Variants in THSD7A observed in about 807,000 individuals in gnomAD.
THSD7A encodes the protein thrombospondin type 1 domain containing 7A, also known as thrombospondin type-1 domain-containing protein 7A.
In THSD7A, 96 loss-of-function variants were observed where a neutral mutation model predicts 231.3. That is an observed-to-expected ratio of 0.41 (90% confidence interval 0.35 to 0.49). The LOEUF is 0.49. THSD7A is among the 20% of genes least tolerant of loss of function. The pLI, the probability that THSD7A is intolerant of heterozygous loss-of-function variation, is 0.05. For missense variants in THSD7A, 2,290 were observed against 2,070.2 expected (o/e 1.11, Z -2.06); for synonymous variants, 940 against 743.3 (o/e 1.26, Z -4.30).
intron 1 of THSD7A, among the ~76,000 whole-genome samples, chr7:11,639,899 G>A (rs1782015372): frequency 6.6e-6 from 1 of 152,062 alleles, no homozygotes; most frequent in Non-Finnish European, 1.5e-5. Context: ...CCTTAGACAA[G>A]ATAAGGACTG....
At chr7:11,545,808 C>T (rs62432854) in intron 4 of THSD7A, among the ~76,000 whole-genome samples, 17,479 of 152,126 alleles carry the variant, frequency 0.11, 2,033 homozygotes, top group African/African-American at 0.3. Flanking sequence ...GCGTTTGGCA[C>T]AGAAATAGCT....
chr7:11,696,031 T>C (rs547263042), intron 1 of THSD7A, among the ~76,000 whole-genome samples: 1 of 151,564 alleles, frequency 6.6e-6, no homozygotes, highest in South Asian at 2.1e-4. Flanking sequence ...ATGAGGAGTT[T>C]AGGAAGACTT....
chr7:11,413,270 A>C (rs953080103), intron 17 of THSD7A, among the ~76,000 whole-genome samples: 2 of 151,994 alleles, frequency 1.3e-5, no homozygotes, highest in Admixed American at 1.3e-4. Flanking sequence ...CTAAATCCTA[A>C]TTTTAATTCT....
Position 11,446,513 on chromosome 7 carries a change from C to A in THSD7A, c.2801-189G>T, listed in dbSNP as rs144390380. Among the ~76,000 whole-genome samples, 1 of 152,138 alleles carries A rather than the reference C, an allele frequency of 6.6e-6. No homozygotes were observed. Among genetic ancestry groups the A allele is most frequent in the African/African-American group, 2.4e-5 (1 of 41,508 alleles). ...CATAGGCTCCTGTTGGTATTGGGTG[C>A]TTTGCATAGTAAAATTTGTATTATT... is the stretch of plus-strand genomic sequence containing the variant. On this transcript the variant is annotated intron_variant, in intron 12 of 27. Transcript: ENST00000423059. The surrounding 1 kb of genome is among the most constrained non-coding windows in gnomAD (Gnocchi z 4.0).
At chr7:11,466,735 A>C (rs1415336469) in intron 9 of THSD7A, among the ~76,000 whole-genome samples, 1 of 152,128 alleles carries the variant, frequency 6.6e-6, no homozygotes, top group African/African-American at 2.4e-5. Flanking sequence ...TCTGCCGCTT[A>C]GAGAGCCTCT....
intron 13 of THSD7A, among the ~76,000 whole-genome samples, chr7:11,445,583 A>C (rs1353100921): frequency 6.6e-6 from 1 of 151,770 alleles, no homozygotes; most frequent in East Asian, 1.9e-4. Context: ...TTGAGTTTTC[A>C]CCAGTTACTA....
chr7:11,465,780 GA>G (rs1189153116), intron 9 of THSD7A, among the ~76,000 whole-genome samples: 4 of 151,394 alleles, frequency 2.6e-5, no homozygotes, highest in Admixed American at 6.6e-5. Context: ...AATGCAGTGA[GA>G]AAAAAAAGGA....
At chr7:11,554,617 C>A (rs778856918) in intron 4 of THSD7A, among the ~76,000 whole-genome samples, 2 of 151,864 alleles carry the variant, frequency 1.3e-5, no homozygotes, top group Non-Finnish European at 2.9e-5. Context: ...TTGGAGTAGG[C>A]TTGCATCCTT....
At chr7:11,664,629 C>T (rs142445777) in intron 1 of THSD7A, among the ~76,000 whole-genome samples, 251 of 151,928 alleles carry the variant, frequency 1.7e-3, no homozygotes, top group Non-Finnish European at 3.0e-3. Context: ...ATCAGCTTTG[C>T]ACATAGGAAC....
chr7:11,717,314 A>G (rs80341973), intron 1 of THSD7A, among the ~76,000 whole-genome samples: 2 of 151,618 alleles, frequency 1.3e-5, no homozygotes, highest in African/African-American at 4.8e-5. Context: ...CCCTTAAGTG[A>G]TCTGTGCTTT....
chr7:11,754,956 A>T (rs1016124659), intron 1 of THSD7A, among the ~76,000 whole-genome samples: 11 of 152,084 alleles, frequency 7.2e-5, no homozygotes, highest in African/African-American at 2.7e-4. Flanking sequence ...GTTGAGTAAA[A>T]AAAAGTTTAT....
At chr7:11,733,840 T>C (rs1781817057) in intron 1 of THSD7A, among the ~76,000 whole-genome samples, 1 of 151,926 alleles carries the variant, frequency 6.6e-6, no homozygotes, top group Non-Finnish European at 1.5e-5. Context: ...ATTTTTCAGT[T>C]CATATTTAGA....
At chr7:11,440,779 C>T (rs866763407) in intron 13 of THSD7A, among the ~76,000 whole-genome samples, 4 of 151,922 alleles carry the variant, frequency 2.6e-5, no homozygotes, top group African/African-American at 7.2e-5. Context: ...GAATCTGCTC[C>T]GGGTGAAGAT....
chr7:11,698,567 A>AC (rs139887749), intron 1 of THSD7A, among the ~76,000 whole-genome samples: 1 of 151,572 alleles, frequency 6.6e-6, no homozygotes, highest in East Asian at 2.0e-4. Context: ...CCACAGCTGC[A>AC]CAGAAGAAAG....
intron 4 of THSD7A, among the ~76,000 whole-genome samples, chr7:11,556,651 A>G (rs979533682): frequency 6.6e-6 from 1 of 151,858 alleles, no homozygotes; most frequent in African/African-American, 2.4e-5. Context: ...CTTTTAGGGT[A>G]AGTCTACTGG....
chr7:11,572,850 T>A (rs780583482), intron 4 of THSD7A, among the ~76,000 whole-genome samples: 12 of 152,174 alleles, frequency 7.9e-5, no homozygotes, highest in Non-Finnish European at 1.5e-5. Context: ...CCTTTTTCCC[T>A]CCGTCAATAA....
chr7:11,601,400 C>T (rs949794417), intron 2 of THSD7A, among the ~76,000 whole-genome samples: 1 of 152,136 alleles, frequency 6.6e-6, no homozygotes, highest in Non-Finnish European at 1.5e-5. Context: ...TGCACCTGCA[C>T]TGGGGACACT....
At chr7:11,594,104 G>A (rs554680252) in intron 2 of THSD7A, among the ~76,000 whole-genome samples, 1 of 152,204 alleles carries the variant, frequency 6.6e-6, no homozygotes, top group African/African-American at 2.4e-5. Flanking sequence ...CATGAAAAGA[G>A]TAGACTGGCC....
chr7:11,787,592 G>A (rs965219235), intron 1 of THSD7A, among the ~76,000 whole-genome samples: 1 of 151,934 alleles, frequency 6.6e-6, no homozygotes, highest in Non-Finnish European at 1.5e-5. Context: ...AGAAATAGGC[G>A]AAAGACCTAA....
Sources: gnomAD v4.1 joint callset for allele counts (sites outside exome capture counted in the v4.1 genomes callset) on GRCh38, gnomAD v4.1.1 for gene constraint, Gnocchi (gnomAD v3.1) non-coding constraint, MANE v1.5 for transcripts, NCBI Gene and HGNC (gene_info 2026-07-23, HGNC 2026-07-21) for gene names.